Variants in DLGAP4 observed in about 807,000 individuals in gnomAD.
DLGAP4 encodes DLG associated protein 4.
In DLGAP4, 18 loss-of-function variants were observed where a neutral mutation model predicts 86.9. The observed-to-expected ratio is 0.21, with a 90% CI of 0.14 to 0.31. The LOEUF is 0.31. Among genes scored for constraint, DLGAP4 ranks in the 10% least tolerant of loss-of-function variants. The pLI is 1.00. For synonymous variants in DLGAP4, 548 were observed against 574.3 expected (o/e 0.95, Z 0.65); for missense variants, 1,085 against 1,362.6 (o/e 0.80, Z 3.21).
chr20:36,386,663 C>T (rs1259046209), intron 2 of DLGAP4, among the ~76,000 whole-genome samples: 2 of 152,152 alleles, frequency 1.3e-5, no homozygotes, highest in East Asian at 3.9e-4. Context: ...TAGCTCACTA[C>T]AGCCTCGACC....
intron 1 of DLGAP4, among the ~76,000 whole-genome samples, chr20:36,311,784 G>A (rs1050109005): frequency 6.6e-6 from 1 of 152,186 alleles, no homozygotes. Flanking sequence ...GGGTTTGGAC[G>A]AAAGGCTCCC....
At chr20:36,326,142 T>C (rs1427894995) in intron 1 of DLGAP4, among the ~76,000 whole-genome samples, 1 of 152,238 alleles carries the variant, frequency 6.6e-6, no homozygotes, top group Non-Finnish European at 1.5e-5. Flanking sequence ...AGAGCATTTC[T>C]TGTAGGCAGC....
chr20:36,433,241 G>A (rs1231859851), intron 3 of DLGAP4, among the ~76,000 whole-genome samples: 2 of 152,252 alleles, frequency 1.3e-5, no homozygotes, highest in African/African-American at 2.4e-5. Context: ...CCAAAGATTA[G>A]AATACTGGGA....
At chr20:36,396,360 ACG>A (rs879021386) in intron 2 of DLGAP4, among the ~76,000 whole-genome samples, 2 of 29,724 alleles carry the variant, frequency 6.7e-5, no homozygotes, top group African/African-American at 2.2e-4. Flanking sequence ...CACATACCAC[ACG>A]CACATACACA....
chr20:36,512,928 G>GC (rs2036793849), intron 10 of DLGAP4, among the ~76,000 whole-genome samples: 8 of 93,484 alleles, frequency 8.6e-5, no homozygotes, highest in South Asian at 7.5e-4. Context: ...GGTCTCAGAG[G>GC]CCCTTTTTTT....
At chr20:36,365,234 G>A (rs1181625711) in intron 1 of DLGAP4, among the ~76,000 whole-genome samples, 4 of 152,230 alleles carry the variant, frequency 2.6e-5, no homozygotes, top group Non-Finnish European at 5.9e-5. Context: ...CTGGGCACAG[G>A]CCACCTCCCT....
At chr20:36,389,271 G>A (rs780804474) in intron 2 of DLGAP4, among the ~76,000 whole-genome samples, 1 of 152,204 alleles carries the variant, frequency 6.6e-6, no homozygotes, top group Non-Finnish European at 1.5e-5. Context: ...CATAGACGTA[G>A]TTTTATTCTG....
At chr20:36,311,733 C>G (rs1198531243) in intron 1 of DLGAP4, among the ~76,000 whole-genome samples, 29 of 152,116 alleles carry the variant, frequency 1.9e-4, no homozygotes, top group Admixed American at 1.3e-3. Flanking sequence ...AACTGGGGCA[C>G]AGAGAGCCAA....
At chr20:36,439,892 G>C (rs1462285650) in intron 5 of DLGAP4, 24 bp downstream of exon 5, 1 of 1,596,270 alleles carries the variant, frequency 6.3e-7, no homozygotes, top group Admixed American at 1.7e-5. Context: ...GGAGGCTGGA[G>C]AGTCAGGGGG....
chr20:36,307,041 C>T (rs1012070648), intron 1 of DLGAP4, among the ~76,000 whole-genome samples: 1 of 152,096 alleles, frequency 6.6e-6, no homozygotes. Flanking sequence ...CTCGGTAGAC[C>T]CGGGAGCCGC....
At chr20:36,359,746 A>T (rs2030453642) in intron 1 of DLGAP4, among the ~76,000 whole-genome samples, 1 of 152,200 alleles carries the variant, frequency 6.6e-6, no homozygotes, top group Non-Finnish European at 1.5e-5. Flanking sequence ...GAGAGACTGC[A>T]CAGGCTGTTC....
chr20:36,527,105 T>C lies in DLGAP4; in HGVS notation c.*74T>C. Reference sequence around the variant, plus strand: ...ACTAAGTGCGAACGGAACAGAGTTTTCTCAACCTTTGCTATGGTTATTCTG... The same window carrying C: ...ACTAAGTGCGAACGGAACAGAGTTTCCTCAACCTTTGCTATGGTTATTCTG... On this transcript the variant is annotated 3_prime_UTR_variant, in exon 13 of 13. Coordinates refer to ENST00000339266, the MANE Select transcript of DLGAP4 (RefSeq NM_001365621.2). The C allele has an allele frequency of 7.0e-7, 1 of 1,418,702 alleles. No homozygotes were observed. Among genetic ancestry groups the C allele is most frequent in the Admixed American group, 2.6e-5 (1 of 38,476 alleles). The allele number at this position is 1,418,702 out of a possible 1,614,324, so 87.9% of individuals were successfully genotyped here.
chr20:36,418,067 G>A (rs1443390060), intron 2 of DLGAP4, among the ~76,000 whole-genome samples: 1 of 151,424 alleles, frequency 6.6e-6, no homozygotes, highest in Non-Finnish European at 1.5e-5. Context: ...TTATAGGCGT[G>A]AGCCACCGCG....
intron 2 of DLGAP4, among the ~76,000 whole-genome samples, chr20:36,395,054 A>G (rs1228791754): frequency 1.3e-5 from 2 of 151,870 alleles, no homozygotes; most frequent in African/African-American, 4.8e-5. Flanking sequence ...GCCTCCTTGC[A>G]CCAGTCCCTT....
chr20:36,507,830 C>T (rs1245059892), intron 10 of DLGAP4: 1 of 152,192 alleles, frequency 6.6e-6, no homozygotes, highest in Non-Finnish European at 1.5e-5. Context: ...GGCTCAAGGG[C>T]TTGGGGTGAC....
chr20:36,505,460 T>C (rs2147791008), intron 10 of DLGAP4, among the ~76,000 whole-genome samples: 1 of 152,186 alleles, frequency 6.6e-6, no homozygotes, highest in African/African-American at 2.4e-5. Flanking sequence ...TAAGTAGGCT[T>C]TCTATGGACC....
At chr20:36,310,535 C>A (rs1009898859) in intron 1 of DLGAP4, among the ~76,000 whole-genome samples, 3 of 152,186 alleles carry the variant, frequency 2.0e-5, no homozygotes, top group Non-Finnish European at 4.4e-5. Context: ...TTCCACTGTC[C>A]GAAGTCTGTG....
intron 7 of DLGAP4, among the ~76,000 whole-genome samples, chr20:36,481,678 C>G (rs1418247892): frequency 1.3e-5 from 2 of 152,170 alleles, no homozygotes; most frequent in African/African-American, 4.8e-5. Context: ...CATGGCTTTC[C>G]CTCTGTAAAT....
intron 6 of DLGAP4, among the ~76,000 whole-genome samples, chr20:36,444,248 C>T (rs1309647483): frequency 6.6e-6 from 1 of 152,226 alleles, no homozygotes; most frequent in African/African-American, 2.4e-5. Flanking sequence ...ATAATTCACA[C>T]TGCCCAATGA....
Sources: gnomAD v4.1 joint callset for allele counts (sites outside exome capture counted in the v4.1 genomes callset) on GRCh38, gnomAD v4.1.1 for gene constraint, MANE v1.5 for transcripts, NCBI Gene and HGNC (gene_info 2026-07-23, HGNC 2026-07-21) for gene names.